KDM4C: variants seen among roughly 807,000 people sequenced by gnomAD.
KDM4C encodes the protein lysine-specific demethylase 4C.
Under a neutral mutation model 129.3 loss-of-function variants are expected in KDM4C, and 81 were observed. The ratio of observed to expected loss-of-function variants is 0.63; its 90% CI spans 0.52 to 0.75. KDM4C has a LOEUF of 0.75. Among genes scored for constraint, KDM4C ranks in the 30% least tolerant of loss-of-function variants. The probability of loss-of-function intolerance (pLI) is 0.00; values close to 1 mark genes in which losing one functional copy is unlikely to be tolerated. For missense variants in KDM4C, 1,457 were observed against 1,304.0 expected, an observed-to-expected ratio of 1.12 and a Z score of -1.81; for synonymous variants, 573 against 456.1, an observed-to-expected ratio of 1.26 and a Z score of -3.26.
At chr9:6,813,507 G>A (rs1483044953) in intron 3 of KDM4C, among the ~76,000 whole-genome samples, 15 of 152,220 alleles carry the variant, frequency 9.9e-5, no homozygotes, top group Admixed American at 9.8e-4. Context: ...CCAGTATAGT[G>A]AGTGTAGATG....
intron 1 of KDM4C, among the ~76,000 whole-genome samples, chr9:6,750,932 C>T (rs866360710): frequency 6.6e-6 from 1 of 152,178 alleles, no homozygotes; most frequent in African/African-American, 2.4e-5. Flanking sequence ...GCCTCACTTA[C>T]CCATCTGGCA....
chr9:7,078,309 A>G (rs1834148380), intron 17 of KDM4C, among the ~76,000 whole-genome samples: 1 of 152,114 alleles, frequency 6.6e-6, no homozygotes, highest in Non-Finnish European at 1.5e-5. Flanking sequence ...TAAACACCAT[A>G]GTTTTTTATA....
chr9:7,160,873 A>C (rs763119299), intron 19 of KDM4C, among the ~76,000 whole-genome samples: 2 of 152,194 alleles, frequency 1.3e-5, no homozygotes, highest in Non-Finnish European at 2.9e-5. Context: ...GAGCTGTCAG[A>C]CAGGGAAGTT....
intron 20 of KDM4C, among the ~76,000 whole-genome samples, chr9:7,165,754 G>C (rs756390094): frequency 3.3e-4 from 51 of 152,328 alleles, no homozygotes; most frequent in Non-Finnish European, 7.1e-4. Context: ...TTTGCTGAGA[G>C]ACATAGTCTC....
At chr9:7,125,703 A>G (rs1014950569) in intron 18 of KDM4C, among the ~76,000 whole-genome samples, 2 of 152,228 alleles carry the variant, frequency 1.3e-5, no homozygotes, top group African/African-American at 2.4e-5. Context: ...CTAAATATCC[A>G]TGCAAGAAAA....
intron 20 of KDM4C, 102 bp from the exon 21 acceptor site, chr9:7,169,696 C>G: frequency 2.2e-6 from 2 of 893,058 alleles, no homozygotes; most frequent in South Asian, 1.9e-5. Context: ...CTTGTTTGTT[C>G]TGTTTGAGTC....
chr9:6,966,510 C>T (rs1013486951), intron 8 of KDM4C, among the ~76,000 whole-genome samples: 1 of 152,212 alleles, frequency 6.6e-6, no homozygotes, highest in Non-Finnish European at 1.5e-5. Flanking sequence ...CTGAAGGCCA[C>T]AGCCACTGCA....
chr9:6,769,637 G>C (rs1038435790), intron 1 of KDM4C, among the ~76,000 whole-genome samples: 1 of 152,076 alleles, frequency 6.6e-6, no homozygotes, highest in Non-Finnish European at 1.5e-5. Flanking sequence ...TTATAAGAAG[G>C]TTCTTTTTAA....
At chr9:6,964,732 A>T (rs10815494) in intron 8 of KDM4C, among the ~76,000 whole-genome samples, 46,794 of 145,512 alleles carry the variant, frequency 0.32, 8,768 homozygotes, top group East Asian at 0.85. Context: ...CAGTGAGCCG[A>T]GATCACGCCA....
At chr9:6,961,520 AC>A (rs1830049163) in intron 8 of KDM4C, among the ~76,000 whole-genome samples, 1 of 152,240 alleles carries the variant, frequency 6.6e-6, no homozygotes, top group African/African-American at 2.4e-5. Context: ...TAACATTGTA[AC>A]TATTTCTCAT....
intron 8 of KDM4C, among the ~76,000 whole-genome samples, chr9:6,898,675 C>G (rs532712781): frequency 6.6e-6 from 1 of 152,104 alleles, no homozygotes; most frequent in Non-Finnish European, 1.5e-5. Context: ...TTTAATCTGG[C>G]AGGGGTTTCA....
At chr9:7,073,533 A>G (rs1037820425) in intron 17 of KDM4C, among the ~76,000 whole-genome samples, 11 of 152,222 alleles carry the variant, frequency 7.2e-5, no homozygotes, top group African/African-American at 2.4e-4. Context: ...GAAAACAAAC[A>G]TGGAGATGCA....
Position 7,035,871 on chromosome 9 carries a change from T to G in KDM4C, c.2260-10991T>G, listed in dbSNP as rs1465753543. On this transcript the variant is annotated intron_variant, in intron 15 of 21. Coordinates refer to ENST00000381309, the MANE Select transcript of KDM4C (RefSeq NM_015061.6). ...GTCTGTTTTTATGCCAGTTCCATGC[T>G]GTTGTTGGTTACTACAGCTTTGTAG... is the stretch of plus-strand genomic sequence containing the variant. Among the ~76,000 whole-genome samples, 19 of 152,204 alleles carry G rather than the reference T, an allele frequency of 1.2e-4. 1 individual carries two copies. Among genetic ancestry groups the G allele is most frequent in the Admixed American group, 1.2e-3 (19 of 15,286 alleles).
At chr9:6,873,156 C>G (rs1440850916) in intron 5 of KDM4C, among the ~76,000 whole-genome samples, 1 of 152,118 alleles carries the variant, frequency 6.6e-6, no homozygotes, top group Non-Finnish European at 1.5e-5. Context: ...ACCACCATGC[C>G]TGGCTAATTT....
chr9:7,076,514 T>C (rs1833936815), intron 17 of KDM4C: 1 of 1,546,668 alleles, frequency 6.5e-7, no homozygotes. Context: ...CATCAATTCA[T>C]TAGGAAAGTT....
chr9:6,840,627 C>T (rs985783554), intron 4 of KDM4C, among the ~76,000 whole-genome samples: 1 of 152,122 alleles, frequency 6.6e-6, no homozygotes, highest in Admixed American at 6.5e-5. Context: ...AAACTTCTGA[C>T]CTTGTGATCC....
chr9:7,170,087 C>A, intron 21 of KDM4C, 197 bp downstream of exon 21: 1 of 1,472,194 alleles, frequency 6.8e-7, no homozygotes, highest in Non-Finnish European at 9.1e-7. Flanking sequence ...AATGCATGTG[C>A]TTTACTTTTC....
chr9:6,988,829 C>G (rs1246833330), intron 11 of KDM4C, among the ~76,000 whole-genome samples: 1 of 152,042 alleles, frequency 6.6e-6, no homozygotes, highest in Non-Finnish European at 1.5e-5. Flanking sequence ...AAGTTCCCCT[C>G]AAGTATCACT....
At chr9:7,038,981 A>G (rs1450418851) in intron 15 of KDM4C, among the ~76,000 whole-genome samples, 1 of 151,766 alleles carries the variant, frequency 6.6e-6, no homozygotes, top group African/African-American at 2.4e-5. Context: ...ATGTATTGGG[A>G]GTATTTTTGT....
Sources: gnomAD v4.1 joint callset for allele counts (sites outside exome capture counted in the v4.1 genomes callset) on GRCh38, gnomAD v4.1.1 for gene constraint, MANE v1.5 for transcripts, NCBI Gene and HGNC (gene_info 2026-07-23, HGNC 2026-07-21) for gene names.